Variants in ENOX1 observed in about 807,000 individuals in gnomAD.
ENOX1 encodes candidate growth-related and time keeping constitutive hydroquinone (NADH) oxidase.
Under a neutral mutation model 82.5 loss-of-function variants are expected in ENOX1, and 42 were observed. The ratio of observed to expected loss-of-function variants is 0.51; its 90% CI spans 0.40 to 0.66. The LOEUF (loss-of-function observed/expected upper bound fraction) is 0.66. Ranked by LOEUF, ENOX1 falls within the 30% of genes least tolerant of loss-of-function variation. The pLI, the probability that ENOX1 is intolerant of heterozygous loss-of-function variation, is 0.00. For missense variants in ENOX1, 608 were observed against 811.6 expected (o/e 0.75, Z 3.05); for synonymous variants, 271 against 282.2 (o/e 0.96, Z 0.40).
chr13:43,553,722 G>C (rs2079308762), intron 2 of ENOX1, among the ~76,000 whole-genome samples: 1 of 152,176 alleles, frequency 6.6e-6, no homozygotes, highest in African/African-American at 2.4e-5. Flanking sequence ...TAGTCCTAGA[G>C]TATTGTGAGA....
intron 2 of ENOX1, among the ~76,000 whole-genome samples, chr13:43,624,765 C>G (rs1225320786): frequency 6.6e-6 from 1 of 152,094 alleles, no homozygotes; most frequent in African/African-American, 2.4e-5. Flanking sequence ...TGATATATCT[C>G]TATCCATCAC....
intron 7 of ENOX1, 30 bp downstream of exon 7, chr13:43,359,821 C>T (rs1424723680): frequency 6.3e-7 from 1 of 1,593,656 alleles, no homozygotes; most frequent in Non-Finnish European, 8.6e-7. Context: ...AACAAAATGC[C>T]TAGAAAACTC....
At chr13:43,781,325 A>C (rs1952244423) in intron 1 of ENOX1, among the ~76,000 whole-genome samples, 1 of 152,160 alleles carries the variant, frequency 6.6e-6, no homozygotes, top group Non-Finnish European at 1.5e-5. Context: ...ATGCCAGGCT[A>C]TATGTCGTAG....
At chr13:43,318,038 T>C (rs984696547) in intron 11 of ENOX1, among the ~76,000 whole-genome samples, 3 of 152,102 alleles carry the variant, frequency 2.0e-5, no homozygotes, top group East Asian at 3.9e-4. Context: ...ACCTATGTTA[T>C]GGTGAATTTT....
intron 3 of ENOX1, among the ~76,000 whole-genome samples, chr13:43,414,833 G>C (rs757074190): frequency 8.5e-5 from 13 of 152,080 alleles, no homozygotes; most frequent in Non-Finnish European, 1.5e-4. Flanking sequence ...CTGCAGTTCT[G>C]GAACACTATA....
intron 7 of ENOX1, among the ~76,000 whole-genome samples, chr13:43,359,106 T>C (rs1442330076): frequency 7.0e-6 from 1 of 141,984 alleles, no homozygotes; most frequent in Non-Finnish European, 1.6e-5. Flanking sequence ...TTTTCCCACA[T>C]TCCCCCATCA....
intron 16 of ENOX1, among the ~76,000 whole-genome samples, chr13:43,218,113 T>C (rs1051185541): frequency 5.9e-5 from 9 of 152,158 alleles, no homozygotes; most frequent in African/African-American, 1.9e-4. Flanking sequence ...GAAACTGGGA[T>C]TTGAAATCCT....
intron 1 of ENOX1, among the ~76,000 whole-genome samples, chr13:43,759,820 C>A (rs1267964309): frequency 2.0e-5 from 3 of 152,200 alleles, no homozygotes; most frequent in Non-Finnish European, 2.9e-5. Context: ...AATCAAGCTG[C>A]ATCATATTAG....
rs569866003 is a variant in ENOX1, at chr13:43,265,486, A to C, written c.1555-32T>G. On this transcript the variant is annotated intron_variant, in intron 13 of 16. Coordinates refer to ENST00000690772, the MANE Select transcript of ENOX1 (RefSeq NM_001347969.2). The stretch of plus-strand genomic sequence containing the variant: ...ATTTTAAGGAAAAACAACACAAAAC[A>C]AAAAAATGAATAAGCAAGCAAATCT... 3.8e-6 allele frequency: 6 copies of C among 1,576,960 alleles called. No homozygotes were observed. In the African/African-American group the frequency reaches 8.1e-5, roughly 21 times the overall value.
chr13:43,512,067 T>C (rs1177315301), intron 2 of ENOX1, among the ~76,000 whole-genome samples: 1 of 152,124 alleles, frequency 6.6e-6, no homozygotes, highest in African/African-American at 2.4e-5. Flanking sequence ...TGTATGTAGA[T>C]GCATATCTAA....
chr13:43,323,972 CAG>C (rs1213994945), intron 10 of ENOX1, among the ~76,000 whole-genome samples: 1 of 152,210 alleles, frequency 6.6e-6, no homozygotes, highest in Non-Finnish European at 1.5e-5. Flanking sequence ...AGGGAGAAAG[CAG>C]AGAGACAAGG....
At chr13:43,457,626 T>G (rs181918528) in intron 3 of ENOX1, among the ~76,000 whole-genome samples, 169 of 152,322 alleles carry the variant, frequency 1.1e-3, no homozygotes, top group Non-Finnish European at 1.9e-3. Context: ...AAGCTATGTA[T>G]GTTCACTAAA....
At chr13:43,696,011 C>G (rs1416181825) in intron 1 of ENOX1, among the ~76,000 whole-genome samples, 2 of 152,132 alleles carry the variant, frequency 1.3e-5, no homozygotes, top group Non-Finnish European at 2.9e-5. Context: ...TTTGGCTATT[C>G]TAGACATTTC....
intron 2 of ENOX1, among the ~76,000 whole-genome samples, chr13:43,578,300 T>C (rs977887449): frequency 1.6e-4 from 25 of 152,160 alleles, no homozygotes; most frequent in Non-Finnish European, 3.7e-4. Context: ...ATCAGTGAAA[T>C]TTATTTCAAC....
intron 3 of ENOX1, among the ~76,000 whole-genome samples, chr13:43,435,968 CAGAG>C (rs1187277478): frequency 4.0e-5 from 6 of 149,094 alleles, no homozygotes; most frequent in Non-Finnish European, 5.9e-5. Context: ...GGAAGAGAGA[CAGAG>C]AGAAAGTGCG....
chr13:43,621,733 A>G (rs529470061), intron 2 of ENOX1, among the ~76,000 whole-genome samples: 1 of 152,240 alleles, frequency 6.6e-6, no homozygotes, highest in South Asian at 2.1e-4. Context: ...ATGTGCCTAG[A>G]TGAATATCTG....
intron 3 of ENOX1, 102 bp from the exon 4 acceptor site, chr13:43,413,090 G>T: frequency 8.4e-7 from 1 of 1,186,730 alleles, no homozygotes; most frequent in South Asian, 1.9e-5. Flanking sequence ...AACAAAGACC[G>T]ATTTCCAGTC....
At position 43,406,272 on chromosome 13, in the gene ENOX1, C is replaced by T. The variant is rs535027352; in HGVS notation, c.208+5644G>A. Among the ~76,000 whole-genome samples, 176 of 152,208 alleles carry T rather than the reference C, an allele frequency of 1.2e-3. 2 individuals are homozygous for T. The South Asian group carries it at 0.013, about 11-fold the overall frequency. ...GAGAAGGACTTGCAACCTATCTTGG[C>T]GTTCCATGAGATAGAAAGCTAAGTT... On this transcript the variant is annotated intron_variant, in intron 5 of 16. Transcript: ENST00000690772.
intron 2 of ENOX1, among the ~76,000 whole-genome samples, chr13:43,553,661 G>A (rs944045359): frequency 3.9e-5 from 6 of 152,012 alleles, no homozygotes; most frequent in African/African-American, 1.2e-4. Context: ...ACACAGTGAT[G>A]TTTACTTAAG....
Sources: gnomAD v4.1 joint callset for allele counts (sites outside exome capture counted in the v4.1 genomes callset) on GRCh38, gnomAD v4.1.1 for gene constraint, MANE v1.5 for transcripts, NCBI Gene and HGNC (gene_info 2026-07-23, HGNC 2026-07-21) for gene names.